Variants in NRXN3 observed in about 807,000 individuals in gnomAD.
The protein encoded by NRXN3 is neurexin III.
In NRXN3, 32 loss-of-function variants were observed where a neutral mutation model predicts 137.6. That is an observed-to-expected ratio of 0.23 (90% CI 0.18 to 0.31). The LOEUF (loss-of-function observed/expected upper bound fraction) is 0.31, where lower values mean the gene tolerates loss of function less well. NRXN3 is among the 10% of genes least tolerant of loss of function. The probability of loss-of-function intolerance (pLI) is 1.00; values close to 1 mark genes in which losing one functional copy is unlikely to be tolerated. For synonymous variants in NRXN3, 798 were observed against 784.5 expected, an observed-to-expected ratio of 1.02 and a Z score of -0.29; for missense variants, 1,574 against 2,062.5, an observed-to-expected ratio of 0.76 and a Z score of 4.59.
At chr14:79,792,974 A>C (rs528889466) in intron 19 of NRXN3, among the ~76,000 whole-genome samples, 27 of 152,284 alleles carry the variant, frequency 1.8e-4, no homozygotes, top group African/African-American at 6.0e-4. Flanking sequence ...AAATAAACAA[A>C]AGCTGCGCCC....
intron 15 of NRXN3, among the ~76,000 whole-genome samples, chr14:79,262,993 T>C (rs1230116232): frequency 2.6e-5 from 4 of 152,190 alleles, no homozygotes; most frequent in African/African-American, 9.6e-5. Context: ...AGTATGGGTG[T>C]GTGCATGCAT....
At chr14:78,628,518 G>A (rs1166417189) in intron 4 of NRXN3, among the ~76,000 whole-genome samples, 6 of 152,160 alleles carry the variant, frequency 3.9e-5, no homozygotes, top group Admixed American at 3.9e-4. Flanking sequence ...CTCAATAAAG[G>A]TTTGCTGAAT....
At chr14:79,690,280 G>A (rs1189817415) in intron 17 of NRXN3, among the ~76,000 whole-genome samples, 1 of 152,014 alleles carries the variant, frequency 6.6e-6, no homozygotes, top group Non-Finnish European at 1.5e-5. Flanking sequence ...TGAATGAATA[G>A]AATGTTGTAC....
At chr14:78,968,384 T>C (rs367798666) in intron 14 of NRXN3, 38 bp downstream of exon 14, 59 of 1,595,804 alleles carry the variant, frequency 3.7e-5, no homozygotes, top group Middle Eastern at 1.7e-4. Flanking sequence ...TACAGCCTTG[T>C]TGCAAGCACC....
At chr14:78,480,976 T>C (rs2095463417) in intron 4 of NRXN3, among the ~76,000 whole-genome samples, 1 of 152,196 alleles carries the variant, frequency 6.6e-6, no homozygotes, top group Non-Finnish European at 1.5e-5. Flanking sequence ...GTGACCTCTT[T>C]CTGTGGCCAT....
rs1464429053 is a variant in NRXN3, at chr14:78,820,483, A to AATCAC, written c.2275+10142_2275+10146dup. ...TCTGGCTGTTCTGTTGACTTACTAGAATCACATAGCTTTTTAACTCTGAGT... is the reference window on the plus strand; with the variant it reads ...TCTGGCTGTTCTGTTGACTTACTAGAATCACATCACATAGCTTTTTAACTCTGAGT... On this transcript the variant is annotated intron_variant, in intron 10 of 20. Transcript: ENST00000335750. Among the ~76,000 whole-genome samples the AATCAC allele has an allele frequency of 5.9e-5, 9 of 151,648 alleles. No homozygotes were observed. The East Asian group carries it at 1.7e-3, about 29-fold the overall frequency.
At chr14:78,503,478 G>A (rs1410113439) in intron 4 of NRXN3, among the ~76,000 whole-genome samples, 2 of 152,156 alleles carry the variant, frequency 1.3e-5, no homozygotes, top group Non-Finnish European at 2.9e-5. Context: ...AATCTAGGTT[G>A]TCAGCTGGGA....
At chr14:78,176,053 G>A (rs527348642) in intron 1 of NRXN3, among the ~76,000 whole-genome samples, 3 of 152,286 alleles carry the variant, frequency 2.0e-5, no homozygotes, top group Admixed American at 1.3e-4. Context: ...AATGTTTGTC[G>A]ATTGGAGGAA....
At chr14:78,925,862 TCTG>T (rs2099287897) in intron 10 of NRXN3, among the ~76,000 whole-genome samples, 1 of 152,176 alleles carries the variant, frequency 6.6e-6, no homozygotes, top group Non-Finnish European at 1.5e-5. Flanking sequence ...ACTCCAGAAA[TCTG>T]CTGCTTCTTC....
chr14:79,409,271 A>G lies in NRXN3; in HGVS notation c.3263-57950A>G, dbSNP rs75037181. The stretch of plus-strand genomic sequence containing the variant: ...CATACATATGCAGGTATATTTTTCA[A>G]TCAACAAAACAGGAGCTCAGGGTAG... On this transcript the variant is annotated intron_variant, in intron 15 of 20. Transcript: ENST00000335750. Among the ~76,000 whole-genome samples, 1,181 of 151,978 alleles carry G rather than the reference A, an allele frequency of 7.8e-3. 17 individuals are homozygous for G. Among genetic ancestry groups the G allele is most frequent in the African/African-American group, 0.026 (1,076 of 41,498 alleles).
intron 14 of NRXN3, among the ~76,000 whole-genome samples, chr14:78,968,593 A>G (rs1194348086): frequency 6.6e-6 from 1 of 152,224 alleles, no homozygotes; most frequent in Non-Finnish European, 1.5e-5. Flanking sequence ...TAAAAATAAA[A>G]TAAAATAAAA....
chr14:79,284,682 G>T (rs980613626), intron 15 of NRXN3, among the ~76,000 whole-genome samples: 2 of 152,024 alleles, frequency 1.3e-5, no homozygotes, highest in Non-Finnish European at 2.9e-5. Context: ...TAGCAGAAGT[G>T]GTGGTGATGG....
chr14:79,863,451 C>A lies in NRXN3; in HGVS notation c.*1487C>A, dbSNP rs996197816. 2.6e-5 allele frequency: 4 copies of A among 151,882 alleles called. No individual in the cohort carries two copies. Among genetic ancestry groups the A allele is most frequent in the African/African-American group, 7.3e-5 (3 of 41,252 alleles). The allele number at this position is 151,882 out of a possible 1,614,324, so 9.4% of individuals were successfully genotyped here. On this transcript the variant is annotated 3_prime_UTR_variant, in exon 21 of 21. Coordinates refer to ENST00000335750, the MANE Select transcript of NRXN3 (RefSeq NM_001330195.2). The stretch of plus-strand genomic sequence containing the variant: ...AGAAAATAGCAAAACAACAAAAAAG[C>A]AAACCTTAAAATGTGAAGAAAGTGT...
chr14:78,590,672 C>G (rs764329796), intron 4 of NRXN3, among the ~76,000 whole-genome samples: 1 of 152,092 alleles, frequency 6.6e-6, no homozygotes, highest in Non-Finnish European at 1.5e-5. Flanking sequence ...CCAGGACTTT[C>G]GGAGGCTGAG....
intron 4 of NRXN3, among the ~76,000 whole-genome samples, chr14:78,448,117 A>C (rs560500652): frequency 6.6e-6 from 1 of 152,030 alleles, no homozygotes; most frequent in African/African-American, 2.4e-5. Context: ...AACCATAATA[A>C]TTTTTTCCTT....
intron 19 of NRXN3, among the ~76,000 whole-genome samples, chr14:79,738,065 G>A (rs940533237): frequency 6.6e-6 from 1 of 152,050 alleles, no homozygotes; most frequent in African/African-American, 2.4e-5. Context: ...CCCACCAGGG[G>A]GATCTAGCTG....
intron 8 of NRXN3, among the ~76,000 whole-genome samples, chr14:78,737,190 G>C (rs111299385): frequency 1.2e-4 from 18 of 152,250 alleles, no homozygotes; most frequent in African/African-American, 3.9e-4. Context: ...TTCCACAAAG[G>C]ATTAAGACAC....
chr14:78,735,466 G>A, intron 8 of NRXN3, among the ~76,000 whole-genome samples: 1 of 152,142 alleles, frequency 6.6e-6, no homozygotes, highest in East Asian at 1.9e-4. Context: ...AGGAGAAGCT[G>A]GTAAGCAGGT....
intron 10 of NRXN3, among the ~76,000 whole-genome samples, chr14:78,857,948 A>G (rs2099062062): frequency 6.6e-6 from 1 of 152,194 alleles, no homozygotes; most frequent in East Asian, 1.9e-4. Flanking sequence ...CTTATCCAAG[A>G]TTCTGAATTA....
Sources: allele counts gnomAD v4.1 joint callset (sites outside exome capture counted in the v4.1 genomes callset), GRCh38; gene constraint gnomAD v4.1.1; transcripts MANE v1.5; gene names NCBI Gene and HGNC (gene_info 2026-07-23, HGNC 2026-07-21).